COL5A1: variants seen among roughly 807,000 people sequenced by gnomAD.
COL5A1 encodes collagen type V alpha 1 chain.
Under a neutral mutation model 263.7 loss-of-function variants are expected in COL5A1, and 16 were observed. The ratio of observed to expected loss-of-function variants is 0.06; its 90% CI spans 0.04 to 0.09. The LOEUF (loss-of-function observed/expected upper bound fraction) is 0.09, where lower values mean the gene tolerates loss of function less well. COL5A1 is among the 10% of genes least tolerant of loss of function. COL5A1 has a pLI of 1.00. For synonymous variants in COL5A1, 1,012 were observed against 1,004.5 expected, an observed-to-expected ratio of 1.01 and a Z score of -0.14; for missense variants, 2,036 against 2,540.5, an observed-to-expected ratio of 0.80 and a Z score of 4.27.
chr9:134,806,228 C>T lies in COL5A1; in HGVS notation c.3298C>T (p.Pro1100Ser). 1 of 1,550,600 alleles carries T rather than the reference C, an allele frequency of 6.4e-7. No homozygotes were observed. The highest frequency in any genetic ancestry group is 1.2e-5 in the South Asian group (1 of 84,038). Reference sequence around the variant, plus strand: ...GAGAGGTCCAGCTGGAGCCGCTGGGCCCATCGGAATTCCAGGGAGACCTGG... The same window carrying T: ...GAGAGGTCCAGCTGGAGCCGCTGGGTCCATCGGAATTCCAGGGAGACCTGG... Reference protein sequence around the residue: ...GERGPAGAAGPIGIPGRPGPQ... With the variant: ...GERGPAGAAGSIGIPGRPGPQ... Residue 1100 changes from proline (P) to serine (S), a missense_variant, in exon 42 of 66, where the codon CCC (proline) becomes TCC (serine). Physicochemically the swap from Pro to Ser is moderately conservative, Grantham distance 74. Transcript: ENST00000371817.
intron 4 of COL5A1, chr9:134,709,355 C>T (rs924537312): frequency 2.1e-5 from 6 of 291,382 alleles, no homozygotes; most frequent in Non-Finnish European, 3.3e-5. Context: ...GGCCAAGCCC[C>T]GTGGGCATCT....
intron 7 of COL5A1, among the ~76,000 whole-genome samples, chr9:134,731,072 C>T (rs189779225): frequency 2.6e-5 from 4 of 152,334 alleles, no homozygotes; most frequent in East Asian, 3.9e-4. Flanking sequence ...AGGAGCCTTG[C>T]GTAGTGTGTA....
At chr9:134,815,518 G>T (rs1218446992) in intron 50 of COL5A1, 58 bp from the exon 51 acceptor site, 1 of 1,558,038 alleles carries the variant, frequency 6.4e-7, no homozygotes, top group Admixed American at 1.8e-5. Flanking sequence ...GATTGGCCGT[G>T]TGTGGTCTCA....
chr9:134,786,376 C>G (rs548608381), intron 31 of COL5A1, among the ~76,000 whole-genome samples: 53 of 152,330 alleles, frequency 3.5e-4, no homozygotes, highest in Non-Finnish European at 5.7e-4. Context: ...TCACTGCCTT[C>G]TGCATTAATT....
intron 1 of COL5A1, among the ~76,000 whole-genome samples, chr9:134,676,024 C>A (rs1832675792): frequency 6.6e-6 from 1 of 152,114 alleles, no homozygotes; most frequent in Non-Finnish European, 1.5e-5. Flanking sequence ...TTTGAAACTT[C>A]CACACTTTAA....
intron 2 of COL5A1, among the ~76,000 whole-genome samples, chr9:134,697,188 C>T (rs944137278): frequency 6.6e-6 from 1 of 152,102 alleles, no homozygotes; most frequent in East Asian, 1.9e-4. Context: ...CCAGAGTGCC[C>T]GGACAGCGTA....
At chr9:134,805,968 T>G (rs1299614670) in intron 41 of COL5A1, among the ~76,000 whole-genome samples, 1 of 152,058 alleles carries the variant, frequency 6.6e-6, no homozygotes, top group East Asian at 1.9e-4. Flanking sequence ...CAGGGCACAC[T>G]GTCAGACACC....
At chr9:134,721,366 C>A (rs1365259646) in intron 4 of COL5A1, among the ~76,000 whole-genome samples, 1 of 151,960 alleles carries the variant, frequency 6.6e-6, no homozygotes, top group African/African-American at 2.4e-5. Context: ...TGCCCAGGAC[C>A]CCCCATGACC....
chr9:134,741,186 G>A lies in COL5A1; in HGVS notation c.1494+2378G>A, dbSNP rs957183968. Among the ~76,000 whole-genome samples the A allele has an allele frequency of 7.9e-5, 12 of 152,208 alleles. No individual in the cohort carries two copies. The highest frequency in any genetic ancestry group is 2.1e-4 in the South Asian group (1 of 4,832). Reference sequence around the variant, plus strand: ...CCTGCAGTGCAGCCTGCGGTGGGCCGGGCTCAGGTGCCTGTGCGGCGGAGA... The same window carrying A: ...CCTGCAGTGCAGCCTGCGGTGGGCCAGGCTCAGGTGCCTGTGCGGCGGAGA... On this transcript the variant is annotated intron_variant, in intron 11 of 65. Transcript: ENST00000371817. The surrounding 1 kb of genome is among the most constrained non-coding windows in gnomAD (Gnocchi z 4.5).
intron 4 of COL5A1, among the ~76,000 whole-genome samples, chr9:134,721,765 A>G (rs951099009): frequency 4.6e-5 from 7 of 152,202 alleles, no homozygotes; most frequent in Non-Finnish European, 1.0e-4. Flanking sequence ...GCTGGGCTTC[A>G]GGGGAGGCAT....
intron 63 of COL5A1, among the ~76,000 whole-genome samples, chr9:134,828,635 A>G (rs1466386875): frequency 1.3e-5 from 2 of 150,506 alleles, no homozygotes; most frequent in African/African-American, 5.0e-5. Flanking sequence ...TACCACACAC[A>G]CGATAAACAC....
intron 25 of COL5A1, among the ~76,000 whole-genome samples, chr9:134,771,953 C>T (rs563360602): frequency 1.4e-4 from 21 of 152,316 alleles, no homozygotes; most frequent in Admixed American, 1.3e-4. Flanking sequence ...GGCATTAAAC[C>T]GAGTGACCCG....
rs1215899112 is a variant in COL5A1 at position 134,652,117 on chromosome 9, G to C, written c.109+9821G>C. ...TCGAGGTGGGGTGAAGGGCGTTCTC[G>C]AGGGAAGGGTAGGGAACGATTTCTG... is the stretch of plus-strand genomic sequence containing the variant. On this transcript the variant is annotated intron_variant, in intron 1 of 65. Transcript: ENST00000371817. The surrounding 1 kb of genome is among the most constrained non-coding windows in gnomAD (Gnocchi z 4.4). Among the ~76,000 whole-genome samples, 2 of 152,166 alleles carry C rather than the reference G, an allele frequency of 1.3e-5. No homozygotes were observed. Among genetic ancestry groups the C allele is most frequent in the Non-Finnish European group, 2.9e-5 (2 of 68,024 alleles).
intron 18 of COL5A1, among the ~76,000 whole-genome samples, chr9:134,760,038 GCA>G (rs1470288713): frequency 4.9e-5 from 3 of 61,514 alleles, no homozygotes; most frequent in Non-Finnish European, 8.9e-5. Context: ...ACGCACACAC[GCA>G]CATACACACC....
At chr9:134,706,052 G>C (rs957214294) in intron 4 of COL5A1, among the ~76,000 whole-genome samples, 1 of 152,258 alleles carries the variant, frequency 6.6e-6, no homozygotes, top group Non-Finnish European at 1.5e-5. Context: ...GAGTGCCCCT[G>C]TGGAGCTGGC....
intron 1 of COL5A1, among the ~76,000 whole-genome samples, chr9:134,675,634 T>C (rs1330706391): frequency 6.6e-6 from 1 of 152,252 alleles, no homozygotes; most frequent in African/African-American, 2.4e-5. Context: ...GCACGGTTTG[T>C]TGGGGACCCT....
chr9:134,751,965 A>G (rs2132685716), intron 13 of COL5A1, among the ~76,000 whole-genome samples: 1 of 152,304 alleles, frequency 6.6e-6, no homozygotes, highest in Non-Finnish European at 1.5e-5. Flanking sequence ...AGGCTATAAG[A>G]TTTTATAATG....
intron 18 of COL5A1, 126 bp from the exon 19 acceptor site, chr9:134,761,799 T>G: frequency 1.0e-6 from 1 of 975,460 alleles, no homozygotes. Flanking sequence ...ATTCCCCCAT[T>G]CTGGAAGGGT....
intron 18 of COL5A1, among the ~76,000 whole-genome samples, chr9:134,760,847 C>T (rs908186300): frequency 6.7e-6 from 1 of 148,924 alleles, no homozygotes; most frequent in African/African-American, 2.5e-5. Context: ...CATGCATACA[C>T]ACATGCACAC....
Sources: gnomAD v4.1 joint callset for allele counts (sites outside exome capture counted in the v4.1 genomes callset) on GRCh38, gnomAD v4.1.1 for gene constraint, Gnocchi (gnomAD v3.1) non-coding constraint, MANE v1.5 for transcripts, NCBI Gene and HGNC (gene_info 2026-07-23, HGNC 2026-07-21) for gene names.